Variants in MARCHF1 observed in about 807,000 individuals in gnomAD.
The protein encoded by MARCHF1 is E3 ubiquitin-protein ligase MARCHF1.
In MARCHF1, 40 loss-of-function variants were observed where a neutral mutation model predicts 54.2. The observed-to-expected ratio is 0.74, with a 90% confidence interval of 0.57 to 0.96. The LOEUF is 0.96. MARCHF1 is among the 40% of genes least tolerant of loss of function. The pLI, the probability that MARCHF1 is intolerant of heterozygous loss-of-function variation, is 0.00. For synonymous variants in MARCHF1, 236 were observed against 236.3 expected (o/e 1.00, Z 0.01); for missense variants, 586 against 656.5 (o/e 0.89, Z 1.17).
rs149292708 is a variant in MARCHF1, at chr4:164,056,931, C to T, written c.-248+54657G>A. The stretch of plus-strand genomic sequence containing the variant: ...CTCACACTGACCCAGCAACTGAAGC[C>T]ACTCTTCTTCCAGAAGAGGCTGGAA... On this transcript the variant is annotated intron_variant, in intron 2 of 9. Transcript: ENST00000514618. Among the ~76,000 whole-genome samples, 254 of 152,134 alleles carry T rather than the reference C, an allele frequency of 1.7e-3. 1 individual carries two copies. The highest frequency in any genetic ancestry group is 5.9e-3 in the African/African-American group (243 of 41,480).
intron 1 of MARCHF1, among the ~76,000 whole-genome samples, chr4:164,142,035 T>C (rs1269538436): frequency 1.3e-5 from 2 of 152,110 alleles, no homozygotes; most frequent in Non-Finnish European, 2.9e-5. Flanking sequence ...GGGAGTTCCC[T>C]TTCCCAGTCA....
In MARCHF1 at chr4:164,030,154, C is replaced by T. The variant is rs190794617; in HGVS notation, c.-247-41445G>A. Among the ~76,000 whole-genome samples the T allele has an allele frequency of 4.7e-3, 703 of 150,682 alleles. 5 individuals are homozygous for T. The highest frequency in any genetic ancestry group is 7.7e-3 in the Non-Finnish European group (524 of 67,684). ...TACTTTAAATCATTTACAAAGGGTT[C>T]GTATATTTAAAATTTTGATAAGAAT... On this transcript the variant is annotated intron_variant, in intron 2 of 9. Transcript: ENST00000514618.
intron 3 of MARCHF1, among the ~76,000 whole-genome samples, chr4:163,935,016 C>T (rs1238494359): frequency 6.6e-6 from 1 of 152,070 alleles, no homozygotes; most frequent in Non-Finnish European, 1.5e-5. Context: ...TTAAATAATA[C>T]CTGAAAGTTG....
chr4:164,267,741 A>C (rs1733645300), intron 1 of MARCHF1, among the ~76,000 whole-genome samples: 1 of 152,202 alleles, frequency 6.6e-6, no homozygotes, highest in Non-Finnish European at 1.5e-5. Flanking sequence ...CTACACCTTC[A>C]GTGAGCATGT....
intron 1 of MARCHF1, among the ~76,000 whole-genome samples, chr4:164,248,333 C>T (rs1040043856): frequency 6.6e-6 from 1 of 151,974 alleles, no homozygotes; most frequent in African/African-American, 2.4e-5. Context: ...ATGCACCAAT[C>T]CCAAGGTGCA....
At chr4:163,726,141 A>C (rs1028357849) in intron 4 of MARCHF1, among the ~76,000 whole-genome samples, 3 of 152,130 alleles carry the variant, frequency 2.0e-5, no homozygotes, top group South Asian at 2.1e-4. Flanking sequence ...TATCACCCAA[A>C]GTCTCTGGAG....
Position 164,002,633 on chromosome 4 carries a change from T to A in MARCHF1, c.-247-13924A>T, listed in dbSNP as rs117368645. 8.4e-3 allele frequency among the ~76,000 whole-genome samples: 1,271 copies of A among 151,708 alleles called. 61 individuals carry two copies. Among genetic ancestry groups the A allele is most frequent in the Admixed American group, 0.074 (1,130 of 15,220 alleles). On this transcript the variant is annotated intron_variant, in intron 2 of 9. Coordinates refer to ENST00000514618, the MANE Select transcript of MARCHF1 (RefSeq NM_001394959.1). ...GAAGTAGAGAAAAGAGAGGAATTAA[T>A]AGGAAAATACATTGAACGAAATAGT...
intron 5 of MARCHF1, among the ~76,000 whole-genome samples, chr4:163,674,594 T>C (rs193025215): frequency 6.6e-6 from 1 of 152,260 alleles, no homozygotes; most frequent in East Asian, 1.9e-4. Flanking sequence ...CCTTGGTGCT[T>C]ATCTCCACCC....
At chr4:163,584,226 G>C (rs940395213) in intron 8 of MARCHF1, 4 of 151,658 alleles carry the variant, frequency 2.6e-5, no homozygotes, top group African/African-American at 9.7e-5. Flanking sequence ...GTAAAGAAGA[G>C]AAAATTAGAA....
At chr4:163,573,426 A>G (rs1420779643) in intron 8 of MARCHF1, among the ~76,000 whole-genome samples, 1 of 150,066 alleles carries the variant, frequency 6.7e-6, no homozygotes, top group East Asian at 2.0e-4. Flanking sequence ...CTCGTCATCT[A>G]GCATTAGGTA....
intron 1 of MARCHF1, among the ~76,000 whole-genome samples, chr4:164,358,958 A>G (rs1374061725): frequency 6.6e-6 from 1 of 152,198 alleles, no homozygotes; most frequent in Non-Finnish European, 1.5e-5. Context: ...TCTTTAAAAT[A>G]TATGGAGGAA....
At chr4:164,382,937 A>G (rs958117722) in intron 1 of MARCHF1, among the ~76,000 whole-genome samples, 2 of 152,214 alleles carry the variant, frequency 1.3e-5, no homozygotes, top group African/African-American at 4.8e-5. Context: ...TAACAATAAG[A>G]ATTGCCAGGA....
rs148128240 is a variant in MARCHF1, at chr4:163,532,640, A to G, written c.1340-3594T>C. On this transcript the variant is annotated intron_variant, in intron 9 of 9. Transcript: ENST00000514618. ...ATATTTGCAAAACATATTCTGAAAA[A>G]GGGATTTGTATCCAAAATATACAAA... Among the ~76,000 whole-genome samples the G allele has an allele frequency of 7.4e-3, 1,118 of 151,828 alleles. 10 individuals carry two copies. Among genetic ancestry groups the G allele is most frequent in the African/African-American group, 0.025 (1,027 of 41,298 alleles).
At chr4:163,534,362 G>A (rs982157692) in intron 9 of MARCHF1, among the ~76,000 whole-genome samples, 25 of 152,052 alleles carry the variant, frequency 1.6e-4, no homozygotes, top group African/African-American at 6.0e-4. Context: ...TCACAATATT[G>A]CAAATTCCCT....
At chr4:164,000,968 A>T (rs918888967) in intron 2 of MARCHF1, among the ~76,000 whole-genome samples, 2 of 151,700 alleles carry the variant, frequency 1.3e-5, no homozygotes, top group Non-Finnish European at 3.0e-5. Flanking sequence ...GCAATTATCC[A>T]AGGATCATTT....
chr4:164,373,352 CTT>C (rs5863683), intron 1 of MARCHF1, among the ~76,000 whole-genome samples: 68 of 91,602 alleles, frequency 7.4e-4, no homozygotes, highest in African/African-American at 2.0e-3. Context: ...TGAAAAACTA[CTT>C]TTTTTTTTTT....
chr4:163,785,371 G>A (rs139948877), intron 4 of MARCHF1, among the ~76,000 whole-genome samples: 2 of 152,192 alleles, frequency 1.3e-5, no homozygotes, highest in African/African-American at 2.4e-5. Flanking sequence ...TCGATTGAAA[G>A]TGTGTCACAA....
intron 5 of MARCHF1, among the ~76,000 whole-genome samples, chr4:163,675,414 C>T (rs754408234): frequency 6.6e-6 from 1 of 152,136 alleles, no homozygotes; most frequent in Non-Finnish European, 1.5e-5. Context: ...CTACAAATAT[C>T]AGGGGAACGT....
intron 1 of MARCHF1, among the ~76,000 whole-genome samples, chr4:164,239,513 A>C (rs769182641): frequency 2.6e-4 from 39 of 152,164 alleles, no homozygotes; most frequent in Non-Finnish European, 4.1e-4. Flanking sequence ...ACATGATTAT[A>C]GTCAGATAGT....
Sources: allele counts gnomAD v4.1 joint callset (sites outside exome capture counted in the v4.1 genomes callset), GRCh38; gene constraint gnomAD v4.1.1; transcripts MANE v1.5; gene names NCBI Gene and HGNC (gene_info 2026-07-23, HGNC 2026-07-21).